The following ZBBX variants were observed in gnomAD, a reference collection of about 807,000 sequenced individuals.
ZBBX encodes zinc finger B-box domain containing, also known as zinc finger B-box domain-containing protein 1.
Under a neutral mutation model 108.5 loss-of-function variants are expected in ZBBX, and 101 were observed. The observed-to-expected ratio is 0.93, with a 90% confidence interval of 0.79 to 1.10. ZBBX has a LOEUF of 1.10. Ranked by LOEUF, ZBBX falls within the 50% of genes least tolerant of loss-of-function variation. ZBBX has a pLI of 0.00. For missense variants in ZBBX, 1,009 were observed against 941.4 expected, an observed-to-expected ratio of 1.07 and a Z score of -0.94; for synonymous variants, 356 against 323.4, an observed-to-expected ratio of 1.10 and a Z score of -1.08.
At chr3:167,358,914 C>T (rs1165436187) in intron 8 of ZBBX, among the ~76,000 whole-genome samples, 4 of 106,592 alleles carry the variant, frequency 3.8e-5, no homozygotes, top group Non-Finnish European at 5.1e-5. Flanking sequence ...CCAGCCTGGG[C>T]AACAGAGCAA....
At chr3:167,322,459 G>A (rs961292022) in intron 11 of ZBBX, among the ~76,000 whole-genome samples, 2 of 151,772 alleles carry the variant, frequency 1.3e-5, no homozygotes, top group African/African-American at 4.8e-5. Context: ...TGAAATGAAG[G>A]GATCTTATGA....
At chr3:167,367,443 C>CA (rs1745486178) in intron 5 of ZBBX, among the ~76,000 whole-genome samples, 2 of 151,640 alleles carry the variant, frequency 1.3e-5, no homozygotes, top group African/African-American at 4.8e-5. Flanking sequence ...TATATCCACA[C>CA]AAAAAATACT....
intron 11 of ZBBX, among the ~76,000 whole-genome samples, chr3:167,325,636 G>T (rs572235970): frequency 6.6e-6 from 1 of 152,108 alleles, no homozygotes; most frequent in East Asian, 1.9e-4. Flanking sequence ...CTCCACTTAG[G>T]CTGTAAGTTC....
rs57390567 is a variant in ZBBX at position 167,342,642 on chromosome 3, C to T, written c.528+7778G>A. Among the ~76,000 whole-genome samples the T allele has an allele frequency of 6.9e-3, 1,042 of 151,816 alleles. 13 individuals carry two copies. Among genetic ancestry groups the T allele is most frequent in the African/African-American group, 0.024 (995 of 41,504 alleles). ...ACCCATTGAACAATATCTATTTTCC[C>T]TATCCACTAACTACCACTATTCTAA... On this transcript the variant is annotated intron_variant, in intron 9 of 21. Coordinates refer to ENST00000675490, the MANE Select transcript of ZBBX (RefSeq NM_001199201.2).
At chr3:167,314,152 GA>G (rs770292143) in intron 15 of ZBBX, 36 bp from the exon 16 acceptor site, 9 of 1,499,514 alleles carry the variant, frequency 6.0e-6, no homozygotes, top group Non-Finnish European at 7.1e-6. Flanking sequence ...TAATAGAGTT[GA>G]AAAAATGATT....
In ZBBX at chr3:167,282,311, G is replaced by C; in HGVS notation, c.2181C>G (p.Ser727=). The C allele has an allele frequency of 6.2e-7, 1 of 1,613,960 alleles. No homozygotes were observed. The highest frequency in any genetic ancestry group is 8.5e-7 in the Non-Finnish European group (1 of 1,179,908). The change falls in exon 20 of 22, where the codon TCC becomes TCG. Residue 727 remains serine (S), a synonymous_variant. Transcript: ENST00000675490. ...YIDITDQNEL[S]LDDTTDQHTL... is the part of the protein sequence containing the mutation. ...TATGTTGATCAGTAGTGTCATCTAA[G>C]GAAAGCTCATTCTGGTCAGTAATAT...
At chr3:167,353,684 C>A (rs1743046059) in intron 8 of ZBBX, among the ~76,000 whole-genome samples, 1 of 151,876 alleles carries the variant, frequency 6.6e-6, no homozygotes, top group African/African-American at 2.4e-5. Flanking sequence ...TATAACAGAG[C>A]AGTGATATTA....
chr3:167,184,060 T>C, the ZBBX span, among the ~76,000 whole-genome samples: 2 of 152,258 alleles, frequency 1.3e-5, no homozygotes, highest in Non-Finnish European at 2.9e-5. Flanking sequence ...TGCAATTCTA[T>C]GTTTAATTGA....
chr3:167,238,235 T>C (rs1720310470), downstream of ZBBX, among the ~76,000 whole-genome samples: 1 of 152,052 alleles, frequency 6.6e-6, no homozygotes, highest in African/African-American at 2.4e-5. Context: ...CAAAAGGGCT[T>C]TGGACACAAA....
At chr3:167,185,627 A>G in the ZBBX span, among the ~76,000 whole-genome samples, 3 of 152,092 alleles carry the variant, frequency 2.0e-5, no homozygotes, top group Non-Finnish European at 2.9e-5. Flanking sequence ...CAGCTTTTTG[A>G]TAGCACATAA....
At chr3:167,314,214 A>G in intron 15 of ZBBX, 98 bp from the exon 16 acceptor site, 1 of 954,302 alleles carries the variant, frequency 1.0e-6, no homozygotes, top group East Asian at 2.9e-5. Flanking sequence ...ATATAGTAAA[A>G]CTTTAATAGG....
At chr3:167,301,619 T>C (rs527956050) in intron 17 of ZBBX, among the ~76,000 whole-genome samples, 4 of 152,366 alleles carry the variant, frequency 2.6e-5, no homozygotes, top group African/African-American at 9.6e-5. Flanking sequence ...TTGCTTACAT[T>C]CAGTTCTAAA....
At chr3:167,239,424 C>T (rs1254702245), downstream of ZBBX, among the ~76,000 whole-genome samples, 2 of 151,984 alleles carry the variant, frequency 1.3e-5, no homozygotes, top group East Asian at 1.9e-4. Context: ...TCCTGAGACA[C>T]AAAACTCATA....
At chr3:167,397,580 A>T (rs920113704) in intron 1 of ZBBX, among the ~76,000 whole-genome samples, 2 of 151,932 alleles carry the variant, frequency 1.3e-5, no homozygotes, top group African/African-American at 4.8e-5. Context: ...GCAAGAAGTC[A>T]GAGGGTAAGA....
In ZBBX at chr3:167,360,720, A is replaced by T; in HGVS notation, c.277T>A (p.Ser93Thr). Residue 93 changes from serine (S) to threonine (T), a missense_variant, in exon 7 of 22, where the codon TCT becomes ACT. By Grantham distance (58) the Ser-to-Thr change is moderately conservative. Transcript: ENST00000675490. ...AATTTTAATTTCACTTTTCCAGCAGAAAACTGTATTAATAAAATAGATACT... is the reference window on the plus strand; with the variant it reads ...AATTTTAATTTCACTTTTCCAGCAGTAAACTGTATTAATAAAATAGATACT... The part of the protein sequence containing the change: ...SQNKGNVVKF[S>T]AGKVKLKLLK... 2 of 1,384,798 alleles carry T rather than the reference A, an allele frequency of 1.4e-6. No homozygotes were observed. The highest frequency in any genetic ancestry group is 1.9e-6 in the Non-Finnish European group (2 of 1,057,772). 85.8% of individuals were successfully genotyped at this position (1,384,798 alleles called of 1,614,324 possible).
intron 1 of ZBBX, among the ~76,000 whole-genome samples, chr3:167,387,198 AT>A (rs1747946673): frequency 6.6e-6 from 1 of 152,056 alleles, no homozygotes; most frequent in Non-Finnish European, 1.5e-5. Context: ...CCAAACACTT[AT>A]TGAGGACCTA....
chr3:167,187,906 C>G, the ZBBX span, among the ~76,000 whole-genome samples: 2 of 152,104 alleles, frequency 1.3e-5, no homozygotes, highest in African/African-American at 2.4e-5. Flanking sequence ...CCAGATAAAA[C>G]AGTTAATATT....
At chr3:167,326,792 G>GA in intron 11 of ZBBX, among the ~76,000 whole-genome samples, 1 of 152,000 alleles carries the variant, frequency 6.6e-6, no homozygotes, top group Non-Finnish European at 1.5e-5. Flanking sequence ...AATACTTGAA[G>GA]AAAATTTATT....
At chr3:167,298,167 T>C in intron 18 of ZBBX, 138 bp downstream of exon 18, 1 of 573,326 alleles carries the variant, frequency 1.7e-6, no homozygotes, top group Non-Finnish European at 2.7e-6. Flanking sequence ...TAACCTTAAA[T>C]GTAAATATAT....
Sources: allele counts gnomAD v4.1 joint callset (sites outside exome capture counted in the v4.1 genomes callset), GRCh38; gene constraint gnomAD v4.1.1; transcripts MANE v1.5; gene names NCBI Gene and HGNC (gene_info 2026-07-23, HGNC 2026-07-21).